The following PRKCA variants were observed in gnomAD, a reference collection of about 807,000 sequenced individuals.
PRKCA encodes the protein protein kinase C alpha type.
Under a neutral mutation model 87.0 loss-of-function variants are expected in PRKCA, and 27 were observed. The ratio of observed to expected loss-of-function variants is 0.31; its 90% CI spans 0.23 to 0.43. The LOEUF (loss-of-function observed/expected upper bound fraction) is 0.43. Among genes scored for constraint, PRKCA ranks in the 20% least tolerant of loss-of-function variants. The pLI, the probability that PRKCA is intolerant of heterozygous loss-of-function variation, is 1.00. For synonymous variants in PRKCA, 329 were observed against 311.1 expected (o/e 1.06, Z -0.61); for missense variants, 518 against 852.3 (o/e 0.61, Z 4.88).
At chr17:66,722,361 C>T (rs767510555) in intron 8 of PRKCA, among the ~76,000 whole-genome samples, 4 of 152,160 alleles carry the variant, frequency 2.6e-5, no homozygotes, top group African/African-American at 4.8e-5. Flanking sequence ...CAATGTAAGT[C>T]ATTTGTCACA....
chr17:66,483,451 T>TTTTTA (rs141810960), intron 2 of PRKCA, among the ~76,000 whole-genome samples: 35,174 of 147,998 alleles, frequency 0.24, 4,612 homozygotes, highest in East Asian at 0.41. Context: ...CTTGCCTTTA[T>TTTTTA]TTTTATTTTA....
At chr17:66,511,241 G>C (rs573275994) in intron 3 of PRKCA, among the ~76,000 whole-genome samples, 12 of 152,080 alleles carry the variant, frequency 7.9e-5, no homozygotes, top group Non-Finnish European at 2.9e-5. Context: ...TTTCATACTC[G>C]AAAATGATCT....
chr17:66,328,600 C>T (rs565379853), intron 2 of PRKCA, among the ~76,000 whole-genome samples: 1 of 152,086 alleles, frequency 6.6e-6, no homozygotes, highest in East Asian at 2.0e-4. Flanking sequence ...GAGTTTGAGA[C>T]CAGCCTGGCC....
intron 2 of PRKCA, among the ~76,000 whole-genome samples, chr17:66,375,914 C>T (rs916752475): frequency 2.0e-5 from 3 of 152,168 alleles, no homozygotes; most frequent in African/African-American, 7.2e-5. Flanking sequence ...TACCTGCTTG[C>T]TAACATGCTG....
intron 13 of PRKCA, among the ~76,000 whole-genome samples, chr17:66,770,108 G>A (rs190209942): frequency 9.8e-5 from 15 of 152,292 alleles, no homozygotes; most frequent in East Asian, 9.6e-4. Flanking sequence ...AGCTTCTGCC[G>A]TTCAGATGCA....
chr17:66,425,106 T>C (rs1912725511), intron 2 of PRKCA, among the ~76,000 whole-genome samples: 1 of 152,164 alleles, frequency 6.6e-6, no homozygotes, highest in Non-Finnish European at 1.5e-5. Context: ...GTCTGGCTCA[T>C]ATTTGAACAT....
intron 4 of PRKCA, among the ~76,000 whole-genome samples, chr17:66,642,512 A>T (rs1402776028): frequency 6.6e-6 from 1 of 152,152 alleles, no homozygotes; most frequent in Non-Finnish European, 1.5e-5. Context: ...ATGAAAAGTT[A>T]ATTGCCGAGC....
chr17:66,486,865 G>A (rs1365855257), intron 2 of PRKCA, among the ~76,000 whole-genome samples: 1 of 151,886 alleles, frequency 6.6e-6, no homozygotes, highest in African/African-American at 2.4e-5. Flanking sequence ...ATATTTTGAT[G>A]CAGATATCAA....
At chr17:66,322,575 A>G (rs1300300857) in intron 2 of PRKCA, among the ~76,000 whole-genome samples, 1 of 149,384 alleles carries the variant, frequency 6.7e-6, no homozygotes, top group East Asian at 2.0e-4. Flanking sequence ...AAACCCTCCC[A>G]CCTTAGCCAC....
At chr17:66,620,135 C>T (rs1369487607) in intron 3 of PRKCA, among the ~76,000 whole-genome samples, 1 of 152,166 alleles carries the variant, frequency 6.6e-6, no homozygotes, top group Non-Finnish European at 1.5e-5. Flanking sequence ...AGCTGTGTTA[C>T]GTGAATACTC....
intron 3 of PRKCA, among the ~76,000 whole-genome samples, chr17:66,577,678 C>CT (rs1969283053): frequency 6.6e-6 from 1 of 152,138 alleles, no homozygotes; most frequent in Non-Finnish European, 1.5e-5. Flanking sequence ...TGAACTATAT[C>CT]TTTTTAAAAA....
At chr17:66,409,033 CAAAAAAAAAAAA>C (rs10661202) in intron 2 of PRKCA, among the ~76,000 whole-genome samples, 3 of 76,994 alleles carry the variant, frequency 3.9e-5, no homozygotes, top group Non-Finnish European at 6.9e-5. Context: ...TCCCCAGTCT[CAAAAAAAAAAAA>C]AAAAAAAAAA....
intron 9 of PRKCA, among the ~76,000 whole-genome samples, chr17:66,734,048 T>C (rs1039284243): frequency 6.6e-6 from 1 of 152,218 alleles, no homozygotes; most frequent in Non-Finnish European, 1.5e-5. Context: ...GAGTGGTTTA[T>C]CTTGTAGCTG....
intron 14 of PRKCA, among the ~76,000 whole-genome samples, chr17:66,786,035 A>G (rs1040182601): frequency 3.9e-5 from 6 of 152,158 alleles, no homozygotes; most frequent in South Asian, 2.1e-4. Flanking sequence ...TCACCATGTT[A>G]GCCAGGATGG....
At chr17:66,310,682 G>C (rs1905046310) in intron 2 of PRKCA, among the ~76,000 whole-genome samples, 1 of 152,124 alleles carries the variant, frequency 6.6e-6, no homozygotes, top group South Asian at 2.1e-4. Context: ...AGAAAAAAAA[G>C]AATGAGTCTC....
At position 66,532,276 on chromosome 17, in the gene PRKCA, T is replaced by C. The variant is rs185662968; in HGVS notation, c.288+35993T>C. Among the ~76,000 whole-genome samples, 729 of 152,156 alleles carry C rather than the reference T, an allele frequency of 4.8e-3. 9 individuals carry two copies. Among genetic ancestry groups the C allele is most frequent in the African/African-American group, 0.017 (702 of 41,494 alleles). On this transcript the variant is annotated intron_variant, in intron 3 of 16. Transcript: ENST00000413366. ...GTCACGTGATGATTCATTATCTTTT[T>C]GCTGGTTGTTTCCTGCCCCCTCCCC...
At chr17:66,694,767 TAAAAAAAA>T (rs746908582) in intron 8 of PRKCA, among the ~76,000 whole-genome samples, 1 of 117,520 alleles carries the variant, frequency 8.5e-6, no homozygotes, top group African/African-American at 3.2e-5. Context: ...TTCCAATGGT[TAAAAAAAA>T]AAAAAAAAAA....
intron 9 of PRKCA, 40 bp from the exon 10 acceptor site, chr17:66,735,449 G>A (rs774189803): frequency 6.2e-6 from 10 of 1,613,306 alleles, no homozygotes; most frequent in Non-Finnish European, 7.6e-6. Flanking sequence ...CCCAAGATAT[G>A]TGCTTACAAG....
At position 66,504,241 on chromosome 17, in the gene PRKCA, A is replaced by G. The variant is rs1312109835; in HGVS notation, c.288+7958A>G. ...GAGTTCCTGCCCTCCCAAGGCAGGG[A>G]TTATCCTCTAATTGCAAGGGTAAAC... is the stretch of plus-strand genomic sequence containing the variant. On this transcript the variant is annotated intron_variant, in intron 3 of 16. Coordinates refer to ENST00000413366, the MANE Select transcript of PRKCA (RefSeq NM_002737.3). Among the ~76,000 whole-genome samples the G allele has an allele frequency of 3.3e-5, 5 of 150,190 alleles. 1 individual carries two copies. In the South Asian group the frequency reaches 8.6e-4, roughly 26 times the overall value.
Sources: allele counts gnomAD v4.1 joint callset (sites outside exome capture counted in the v4.1 genomes callset), GRCh38; gene constraint gnomAD v4.1.1; transcripts MANE v1.5; gene names NCBI Gene and HGNC (gene_info 2026-07-23, HGNC 2026-07-21).